The following HIVEP3 variants were observed in gnomAD, a reference collection of about 807,000 sequenced individuals.
HIVEP3 encodes the protein transcription factor HIVEP3.
HIVEP3 carries 49 observed loss-of-function variants against 152.8 expected under a neutral mutation model. The observed-to-expected ratio is 0.32, with a 90% confidence interval of 0.26 to 0.41. HIVEP3 has a LOEUF of 0.41. HIVEP3 is among the 10% of genes least tolerant of loss of function. HIVEP3 has a pLI of 1.00. For missense variants in HIVEP3, 2,790 were observed against 3,103.3 expected, an observed-to-expected ratio of 0.90 and a Z score of 2.40; for synonymous variants, 1,269 against 1,289.0, an observed-to-expected ratio of 0.98 and a Z score of 0.33.
chr1:41,665,304 C>A (rs76777681), intron 2 of HIVEP3, among the ~76,000 whole-genome samples: 3,591 of 152,260 alleles, frequency 0.024, 132 homozygotes, highest in African/African-American at 0.081. Flanking sequence ...GTGCAGGACA[C>A]CTTTCCCACC....
chr1:41,713,895 G>A (rs1011361281), intron 1 of HIVEP3, among the ~76,000 whole-genome samples: 6 of 152,234 alleles, frequency 3.9e-5, no homozygotes, highest in African/African-American at 1.4e-4. Flanking sequence ...TGGGAGGGTG[G>A]CAGGGAGCTG....
chr1:41,653,317 T>TAC (rs570725475), intron 2 of HIVEP3, among the ~76,000 whole-genome samples: 1 of 152,008 alleles, frequency 6.6e-6, no homozygotes, highest in Non-Finnish European at 1.5e-5. Context: ...TACCCACCTC[T>TAC]ACACACACAC....
chr1:41,511,300 G>C lies in HIVEP3; in HGVS notation c.6406-34C>G. 2 of 1,527,892 alleles carry C rather than the reference G, an allele frequency of 1.3e-6. No homozygotes were observed. Among genetic ancestry groups the C allele is most frequent in the East Asian group, 4.6e-5 (2 of 43,422 alleles). 94.6% of individuals were successfully genotyped at this position (1,527,892 alleles called of 1,614,324 possible). On this transcript the variant is annotated intron_variant, in intron 8 of 8. Transcript: ENST00000372583. The surrounding 1 kb of genome is among the most constrained non-coding windows in gnomAD (Gnocchi z 4.9). ...AGAAAACAAGACAAGGTAAGGTGAA[G>C]GTTACATGCTGGGCACATGGGGAGC...
In HIVEP3 at chr1:42,008,911, T is replaced by C. The variant is rs1307340953; in HGVS notation, n.119+26896A>G. ...ACGTTAAAATTTGGTAAATAAGTCT[T>C]CCAGGAGTTCTGAATAAAAGGCATT... On this transcript the variant is annotated intron_variant and non_coding_transcript_variant, in intron 1 of 3. Coordinates refer to the HIVEP3 transcript ENST00000489103. 2.0e-5 allele frequency among the ~76,000 whole-genome samples: 3 copies of C among 152,322 alleles called. No individual in the cohort carries two copies. In the East Asian group the frequency reaches 5.8e-4, roughly 29 times the overall value.
chr1:42,021,669 T>G (rs1011904940), intron 1 of HIVEP3, among the ~76,000 whole-genome samples: 24 of 152,162 alleles, frequency 1.6e-4, no homozygotes, highest in African/African-American at 4.8e-4. Flanking sequence ...TTCATTCATC[T>G]AAGAATAGAT....
At chr1:41,571,905 G>C (rs1314538419) in intron 5 of HIVEP3, among the ~76,000 whole-genome samples, 1 of 152,186 alleles carries the variant, frequency 6.6e-6, no homozygotes, top group Admixed American at 6.5e-5. Flanking sequence ...GATGCTCAGT[G>C]GCACCAACTT....
intron 1 of HIVEP3, among the ~76,000 whole-genome samples, chr1:41,915,514 T>A (rs913890985): frequency 2.0e-5 from 3 of 152,208 alleles, no homozygotes; most frequent in Non-Finnish European, 4.4e-5. Flanking sequence ...CTCTTAAAAC[T>A]TGAAGTAAAT....
intron 1 of HIVEP3, among the ~76,000 whole-genome samples, chr1:41,949,805 A>G (rs1645095872): frequency 6.6e-6 from 1 of 152,186 alleles, no homozygotes; most frequent in South Asian, 2.1e-4. Flanking sequence ...GTCCATAACT[A>G]AAATCTACCG....
At chr1:41,956,744 A>C (rs557281597) in intron 1 of HIVEP3, among the ~76,000 whole-genome samples, 129 of 152,278 alleles carry the variant, frequency 8.5e-4, no homozygotes, top group South Asian at 7.5e-3. Context: ...ATCCATTTTT[A>C]ATTTTGTTTG....
chr1:41,580,160 C>G lies in HIVEP3; in HGVS notation c.4638G>C (p.Leu1546Phe), dbSNP rs1288487831. 2 of 1,613,130 alleles carry G rather than the reference C, an allele frequency of 1.2e-6. No individual in the cohort carries two copies. Among genetic ancestry groups the G allele is most frequent in the Admixed American group, 1.7e-5 (1 of 59,944 alleles). ...CTTCTTTCTTCACGCTCAGTGGGGT[C>G]AACCCTCTTCGGTGAGGTTTGCCAG... ...QPSGKPHRRG[L>F]TPLSVKKEDS... The change falls in exon 4 of 9, where the codon TTG becomes TTC. Residue 1546 changes from leucine (L) to phenylalanine (F), a missense_variant. Leu to Phe is a conservative substitution (Grantham distance 22). Around this residue, in one of 9 missense-constraint regions of HIVEP3, gnomAD observed 1,078 missense variants for 1,165.3 expected, o/e 0.93. Coordinates refer to ENST00000372583, the MANE Select transcript of HIVEP3 (RefSeq NM_024503.5).
At position 41,628,900 on chromosome 1, in the gene HIVEP3, G is replaced by A. The variant is rs1645154940; in HGVS notation, c.-673C>T. ...GGCTTGCTTGGCCAGGACCCCGCGA[G>A]GCTCCTCCATGAACTAGGTTGAGGC... On this transcript the variant is annotated 5_prime_UTR_variant, in exon 3 of 9. Coordinates refer to ENST00000372583, the MANE Select transcript of HIVEP3 (RefSeq NM_024503.5). 1 of 1,231,630 alleles carries A rather than the reference G, an allele frequency of 8.1e-7. No individual in the cohort carries two copies. The highest frequency in any genetic ancestry group is 1.6e-5 in the African/African-American group (1 of 64,412). 76.3% of individuals were successfully genotyped at this position (1,231,630 alleles called of 1,614,324 possible).
At chr1:41,997,500 CCTT>C (rs1468811245) in intron 1 of HIVEP3, among the ~76,000 whole-genome samples, 2 of 152,340 alleles carry the variant, frequency 1.3e-5, no homozygotes, top group African/African-American at 4.8e-5. Flanking sequence ...AATTAATAAA[CCTT>C]CTCTTTATGC....
At chr1:41,526,875 TCA>T (rs1432005182) in intron 5 of HIVEP3, among the ~76,000 whole-genome samples, 2 of 104,810 alleles carry the variant, frequency 1.9e-5, no homozygotes, top group East Asian at 5.9e-4. Flanking sequence ...ACACACAGCC[TCA>T]CAAGCTCACT....
intron 1 of HIVEP3, among the ~76,000 whole-genome samples, chr1:41,861,594 C>T (rs545636178): frequency 4.3e-4 from 66 of 152,270 alleles, no homozygotes; most frequent in Admixed American, 1.3e-3. Flanking sequence ...AGACTGTGAG[C>T]GCCGCATGAG....
Position 41,628,947 on chromosome 1 carries a change from C to A in HIVEP3, c.-720G>T, listed in dbSNP as rs1012784058. ...AGGCTGCTGGGTTTGTGCCTCGAAT[C>A]CTGCAGGAGATGATTGAGAAACATG... On this transcript the variant is annotated splice_region_variant and 5_prime_UTR_variant, in exon 3 of 9. Transcript: ENST00000372583. 2 of 1,230,428 alleles carry A rather than the reference C, an allele frequency of 1.6e-6. No homozygotes were observed. The highest frequency in any genetic ancestry group is 3.1e-5 in the African/African-American group (2 of 64,496). The allele number at this position is 1,230,428 out of a possible 1,614,324, so 76.2% of individuals were successfully genotyped here.
At chr1:41,545,207 TATCGCCACC>T (rs1643721707) in intron 5 of HIVEP3, among the ~76,000 whole-genome samples, 1 of 34,830 alleles carries the variant, frequency 2.9e-5, no homozygotes, top group African/African-American at 1.1e-4. Flanking sequence ...CCACCACCAC[TATCGCCACC>T]ACCACCATCG....
chr1:41,897,904 G>C (rs1404695376), intron 1 of HIVEP3, among the ~76,000 whole-genome samples: 1 of 150,898 alleles, frequency 6.6e-6, no homozygotes, highest in East Asian at 1.9e-4. Flanking sequence ...GGGAGAAGGA[G>C]GACCCAGGGT....
At chr1:41,689,949 T>A (rs1258474414) in intron 2 of HIVEP3, among the ~76,000 whole-genome samples, 2 of 152,234 alleles carry the variant, frequency 1.3e-5, no homozygotes, top group African/African-American at 4.8e-5. Flanking sequence ...CAGCTCAGCC[T>A]TCCACGGTCC....
At chr1:41,908,965 T>C (rs1352006273) in intron 1 of HIVEP3, among the ~76,000 whole-genome samples, 1 of 152,026 alleles carries the variant, frequency 6.6e-6, no homozygotes, top group Non-Finnish European at 1.5e-5. Context: ...TAAAAATAAA[T>C]ATATACCTAG....
Sources: allele counts gnomAD v4.1 joint callset (sites outside exome capture counted in the v4.1 genomes callset), GRCh38; gene constraint gnomAD v4.1.1; regional missense constraint gnomAD v4.1.1; non-coding constraint Gnocchi (gnomAD v3.1); transcripts MANE v1.5; gene names NCBI Gene and HGNC (gene_info 2026-07-23, HGNC 2026-07-21).